Variants in SPOCK3 observed in about 807,000 individuals in gnomAD.
SPOCK3 encodes testican-3.
SPOCK3 carries 30 observed loss-of-function variants against 56.6 expected under a neutral mutation model. The ratio of observed to expected loss-of-function variants is 0.53; its 90% CI spans 0.40 to 0.72. The LOEUF is 0.72. Among genes scored for constraint, SPOCK3 ranks in the 30% least tolerant of loss-of-function variants. The pLI is 0.00. For synonymous variants in SPOCK3, 196 were observed against 183.3 expected, an observed-to-expected ratio of 1.07 and a Z score of -0.56; for missense variants, 527 against 530.0, an observed-to-expected ratio of 0.99 and a Z score of 0.06.
At chr4:167,015,102 C>T (rs1002621273) in intron 3 of SPOCK3, among the ~76,000 whole-genome samples, 2 of 152,026 alleles carry the variant, frequency 1.3e-5, no homozygotes, top group African/African-American at 4.8e-5. Flanking sequence ...TAATTCAGTT[C>T]TACCCCATTC....
chr4:166,978,080 G>T (rs904919047), intron 4 of SPOCK3, among the ~76,000 whole-genome samples: 19 of 152,120 alleles, frequency 1.2e-4, no homozygotes, highest in African/African-American at 4.3e-4. Flanking sequence ...GATTTAGTCT[G>T]CCATTAAGTA....
At chr4:167,189,885 T>G (rs1321453808) in intron 2 of SPOCK3, among the ~76,000 whole-genome samples, 1 of 146,094 alleles carries the variant, frequency 6.8e-6, no homozygotes, top group African/African-American at 2.6e-5. Flanking sequence ...ATATTTGTCT[T>G]TCTGAGTTTG....
intron 4 of SPOCK3, among the ~76,000 whole-genome samples, chr4:166,994,447 C>A (rs879587320): frequency 2.0e-5 from 3 of 152,192 alleles, no homozygotes; most frequent in Non-Finnish European, 4.4e-5. Context: ...TGTGCTCTGA[C>A]ATACATTCTG....
chr4:166,937,950 T>TA (rs1554005397), intron 4 of SPOCK3, among the ~76,000 whole-genome samples: 1 of 146,400 alleles, frequency 6.8e-6, no homozygotes, highest in Non-Finnish European at 1.5e-5. Flanking sequence ...TTTTTTTTTT[T>TA]AATATTTTTA....
intron 2 of SPOCK3, among the ~76,000 whole-genome samples, chr4:167,134,685 T>C (rs1019346643): frequency 6.6e-6 from 1 of 152,162 alleles, no homozygotes; most frequent in African/African-American, 2.4e-5. Flanking sequence ...ATCAAAAGTA[T>C]TCAAAGGACT....
At chr4:167,079,796 G>A (rs1757550057) in intron 2 of SPOCK3, among the ~76,000 whole-genome samples, 1 of 151,956 alleles carries the variant, frequency 6.6e-6, no homozygotes, top group South Asian at 2.1e-4. Context: ...TGTGTTTTGA[G>A]CAGTGCTGAG....
chr4:167,061,131 C>G (rs1158522001), intron 3 of SPOCK3, among the ~76,000 whole-genome samples: 1 of 151,784 alleles, frequency 6.6e-6, no homozygotes, highest in Non-Finnish European at 1.5e-5. Flanking sequence ...AGATAAATTG[C>G]AATTCAACAC....
intron 2 of SPOCK3, among the ~76,000 whole-genome samples, chr4:167,224,563 T>C (rs1378017169): frequency 6.6e-6 from 1 of 152,196 alleles, no homozygotes; most frequent in Non-Finnish European, 1.5e-5. Context: ...AGTTTTTTCC[T>C]AATTAATTTC....
intron 2 of SPOCK3, among the ~76,000 whole-genome samples, chr4:167,075,558 A>C (rs1358770729): frequency 6.6e-6 from 1 of 152,012 alleles, no homozygotes; most frequent in East Asian, 1.9e-4. Context: ...TGAATATTTC[A>C]GTTAATTTGA....
At chr4:166,751,253 C>T (rs1266444366) in intron 8 of SPOCK3, among the ~76,000 whole-genome samples, 2 of 152,052 alleles carry the variant, frequency 1.3e-5, no homozygotes, top group African/African-American at 4.8e-5. Context: ...ATGAATTAAT[C>T]CCCCATGCAC....
At chr4:166,824,229 C>A (rs2126771154) in intron 6 of SPOCK3, among the ~76,000 whole-genome samples, 1 of 152,134 alleles carries the variant, frequency 6.6e-6, no homozygotes, top group South Asian at 2.1e-4. Context: ...CTCTAGTGAC[C>A]ACATCTTTTT....
At chr4:167,093,781 C>T (rs564364647) in intron 2 of SPOCK3, among the ~76,000 whole-genome samples, 20 of 152,140 alleles carry the variant, frequency 1.3e-4, no homozygotes, top group Middle Eastern at 3.4e-3. Context: ...TATAGTAGAA[C>T]GATTTATAAT....
intron 2 of SPOCK3, among the ~76,000 whole-genome samples, chr4:167,222,966 T>C (rs1736148946): frequency 7.8e-6 from 1 of 127,394 alleles, no homozygotes; most frequent in African/African-American, 3.1e-5. Context: ...ATTATACATA[T>C]TTTATATGAA....
chr4:166,912,666 T>G lies in SPOCK3; in HGVS notation c.428A>C (p.Tyr143Ser). Residue 143 changes from tyrosine (Y) to serine (S), a missense_variant, in exon 5 of 11, where the codon TAT becomes TCT. Coordinates refer to ENST00000357545, the MANE Select transcript of SPOCK3 (RefSeq NM_001040159.2). ...ATCTGAACCACAAACAGGGCTGGGA[T>G]AGACCACTGGGCACTGCTTGCAGGT... ...LSTCKQCPVV[Y>S]PSPVCGSDGH... The G allele has an allele frequency of 1.2e-6, 2 of 1,613,746 alleles. No individual in the cohort carries two copies. Among genetic ancestry groups the G allele is most frequent in the Non-Finnish European group, 1.7e-6 (2 of 1,179,802 alleles).
intron 7 of SPOCK3, among the ~76,000 whole-genome samples, chr4:166,755,517 T>C (rs1206252148): frequency 1.3e-5 from 2 of 152,152 alleles, no homozygotes; most frequent in Non-Finnish European, 2.9e-5. Context: ...AAAAATTTGC[T>C]TTCAACAATT....
intron 2 of SPOCK3, among the ~76,000 whole-genome samples, chr4:167,077,885 G>A (rs181075161): frequency 5.1e-4 from 77 of 151,948 alleles, no homozygotes; most frequent in African/African-American, 1.7e-3. Flanking sequence ...AAAGAAAAAG[G>A]AGGCAACATG....
At position 166,912,665 on chromosome 4, in the gene SPOCK3, A is replaced by G; in HGVS notation, c.429T>C (p.Tyr143=). ...CATCTGAACCACAAACAGGGCTGGG[A>G]TAGACCACTGGGCACTGCTTGCAGG... ...LSTCKQCPVV[Y]PSPVCGSDGH... Residue 143 remains tyrosine, a synonymous_variant, in exon 5 of 11, where the codon TAT becomes TAC. Coordinates refer to ENST00000357545, the MANE Select transcript of SPOCK3 (RefSeq NM_001040159.2). 1 of 1,613,758 alleles carries G rather than the reference A, an allele frequency of 6.2e-7. No individual in the cohort carries two copies. The highest frequency in any genetic ancestry group is 1.1e-5 in the South Asian group (1 of 91,068).
At chr4:166,747,723 T>C (rs916144994) in intron 8 of SPOCK3, among the ~76,000 whole-genome samples, 1 of 152,112 alleles carries the variant, frequency 6.6e-6, no homozygotes, top group Admixed American at 6.6e-5. Context: ...CATGATTGTA[T>C]ATTTAGAAAA....
At chr4:166,952,312 G>C (rs895069701) in intron 4 of SPOCK3, among the ~76,000 whole-genome samples, 2 of 152,022 alleles carry the variant, frequency 1.3e-5, no homozygotes, top group African/African-American at 4.8e-5. Context: ...GAGCCAAATC[G>C]TGAGTGAACT....
Sources: allele counts gnomAD v4.1 joint callset (sites outside exome capture counted in the v4.1 genomes callset), GRCh38; gene constraint gnomAD v4.1.1; transcripts MANE v1.5; gene names NCBI Gene and HGNC (gene_info 2026-07-23, HGNC 2026-07-21).